Variants in VEZT observed in about 807,000 individuals in gnomAD.
The protein encoded by VEZT is vezatin, adherens junctions transmembrane protein, also known as vezatin.
Under a neutral mutation model 79.9 loss-of-function variants are expected in VEZT, and 39 were observed. That is an observed-to-expected ratio of 0.49 (90% CI 0.38 to 0.64). The LOEUF is 0.64. VEZT is among the 30% of genes least tolerant of loss of function. The pLI is 0.00. For synonymous variants in VEZT, 325 were observed against 327.6 expected, an observed-to-expected ratio of 0.99 and a Z score of 0.09; for missense variants, 837 against 893.1, an observed-to-expected ratio of 0.94 and a Z score of 0.80.
At chr12:95,225,038 C>A (rs2058217226) in intron 1 of VEZT, among the ~76,000 whole-genome samples, 1 of 152,190 alleles carries the variant, frequency 6.6e-6, no homozygotes, top group African/African-American at 2.4e-5. Flanking sequence ...ACTGGCCCAC[C>A]ATCCTGCTGG....
At chr12:95,268,059 A>G (rs1214348756) in intron 5 of VEZT, among the ~76,000 whole-genome samples, 1 of 152,156 alleles carries the variant, frequency 6.6e-6, no homozygotes, top group Non-Finnish European at 1.5e-5. Context: ...GTCTCAAAAA[A>G]AAAAGTATAA....
intron 1 of VEZT, chr12:95,231,411 AT>A (rs1271364933): frequency 6.6e-6 from 1 of 152,106 alleles, no homozygotes; most frequent in Non-Finnish European, 1.5e-5. Context: ...TTCAGTGGCC[AT>A]TTTGTACTGT....
In VEZT at chr12:95,301,574, T is replaced by G. The variant is rs1442686620; in HGVS notation, c.*901T>G. 2 of 152,214 alleles carry G rather than the reference T, an allele frequency of 1.3e-5. No homozygotes were observed. Among genetic ancestry groups the G allele is most frequent in the Non-Finnish European group, 2.9e-5 (2 of 68,040 alleles). The allele number at this position is 152,214 out of a possible 1,614,324, so 9.4% of individuals were successfully genotyped here. On this transcript the variant is annotated 3_prime_UTR_variant, in exon 12 of 12. Coordinates refer to ENST00000436874, the MANE Select transcript of VEZT (RefSeq NM_017599.4). ...GCATCCTTGTCTCCTTAGTATTTCATTTACAAACTACCTCTTAACAGAGAC... is the reference window on the plus strand; with the variant it reads ...GCATCCTTGTCTCCTTAGTATTTCAGTTACAAACTACCTCTTAACAGAGAC...
In VEZT at chr12:95,282,398, G is replaced by C. The variant is rs747232808; in HGVS notation, c.1082G>C (p.Gly361Ala). Reference protein sequence around the residue: ...LLLSTANSPPGPLLTPALLPH... With the variant: ...LLLSTANSPPAPLLTPALLPH... ...CTTTCTACAGCCAATTCACCTCCTGGGCCCTTACTTACTCCAGCACTTCTG... is the reference window on the plus strand; with the variant it reads ...CTTTCTACAGCCAATTCACCTCCTGCGCCCTTACTTACTCCAGCACTTCTG... The change falls in exon 8 of 12, where the codon GGG becomes GCG. Residue 361 changes from glycine to alanine, a missense_variant. By Grantham distance (60) the Gly-to-Ala change is moderately conservative (BLOSUM62 0). Transcript: ENST00000436874. The C allele has an allele frequency of 6.2e-7, 1 of 1,613,732 alleles. No homozygotes were observed. Among genetic ancestry groups the C allele is most frequent in the Middle Eastern group, 1.6e-4 (1 of 6,062 alleles).
chr12:95,272,959 G>C (rs540948721), intron 6 of VEZT, among the ~76,000 whole-genome samples: 1 of 152,082 alleles, frequency 6.6e-6, no homozygotes, highest in Non-Finnish European at 1.5e-5. Context: ...TTTTGCCCAG[G>C]TTGGTCTCGA....
chr12:95,251,857 T>C lies in VEZT; in HGVS notation c.37-83T>C, dbSNP rs530401273. ...AATTTGGACATACTGGTCACAATAG[T>C]GAAGTCTGGTATTAAGTTTGGCCCC... On this transcript the variant is annotated intron_variant, in intron 1 of 11. Transcript: ENST00000436874. 7.5e-6 allele frequency: 10 copies of C among 1,327,772 alleles called. No individual in the cohort carries two copies. The East Asian group carries it at 1.9e-4, about 25-fold the overall frequency. 82.2% of individuals were successfully genotyped at this position (1,327,772 alleles called of 1,614,324 possible).
intron 1 of VEZT, among the ~76,000 whole-genome samples, chr12:95,224,909 G>A (rs2058194344): frequency 6.6e-6 from 1 of 152,184 alleles, no homozygotes; most frequent in Non-Finnish European, 1.5e-5. Context: ...CTCATAAGGA[G>A]CTCACAACCT....
chr12:95,275,472 T>C (rs1234702585), intron 7 of VEZT, among the ~76,000 whole-genome samples: 1 of 151,824 alleles, frequency 6.6e-6, no homozygotes, highest in African/African-American at 2.4e-5. Context: ...CAGTGTCACA[T>C]GCCTATGGGA....
chr12:95,244,731 T>TA (rs568437604), intron 1 of VEZT, among the ~76,000 whole-genome samples: 2 of 151,684 alleles, frequency 1.3e-5, no homozygotes, highest in Non-Finnish European at 2.9e-5. Flanking sequence ...CTCACCTTTT[T>TA]AAAAGTCATT....
chr12:95,223,084 G>A (rs1343610763), intron 1 of VEZT, among the ~76,000 whole-genome samples: 1 of 152,226 alleles, frequency 6.6e-6, no homozygotes, highest in Non-Finnish European at 1.5e-5. Context: ...TCCTAGGTCA[G>A]CTATTTATTA....
chr12:95,218,186 G>GC (rs1311717183), intron 1 of VEZT: 6 of 281,568 alleles, frequency 2.1e-5, no homozygotes, highest in African/African-American at 6.6e-5. Context: ...ATGTGCGGCG[G>GC]GGGGGACTGC....
At chr12:95,236,239 A>G (rs952293019) in intron 1 of VEZT, among the ~76,000 whole-genome samples, 3 of 152,176 alleles carry the variant, frequency 2.0e-5, no homozygotes, top group African/African-American at 7.2e-5. Context: ...CGGCCAACAC[A>G]GCGAAACCCC....
chr12:95,291,521 G>A (rs970988651), intron 9 of VEZT, among the ~76,000 whole-genome samples: 39 of 152,192 alleles, frequency 2.6e-4, no homozygotes, highest in African/African-American at 8.9e-4. Flanking sequence ...GCCATATGGT[G>A]TCTGTTACAA....
chr12:95,234,974 G>A (rs1284294633), intron 1 of VEZT, among the ~76,000 whole-genome samples: 10 of 149,996 alleles, frequency 6.7e-5, no homozygotes, highest in Non-Finnish European at 1.2e-4. Context: ...AGGGTTGGGG[G>A]TAAGGTCACA....
chr12:95,289,273 C>T (rs1342591244), intron 9 of VEZT, among the ~76,000 whole-genome samples: 15 of 150,422 alleles, frequency 1.0e-4, no homozygotes, highest in Non-Finnish European at 2.2e-4. Context: ...AAAAATTAGC[C>T]GGGCATGGTG....
At position 95,287,836 on chromosome 12, in the gene VEZT, C is replaced by T. The variant is rs745336269; in HGVS notation, c.1501C>T (p.Arg501Ter). The T allele has an allele frequency of 1.3e-5, 20 of 1,599,020 alleles. No individual in the cohort carries two copies. Among genetic ancestry groups the T allele is most frequent in the East Asian group, 4.5e-5 (2 of 44,442 alleles). ...CATTTCTCAGGTCGACAAACTGCTA[C>T]GAAGAAATACAGATAAAAAAGGTAC... ...EAISQVDKLLRRNTDKKGKPE... is the reference protein window; with the variant it reads ...EAISQVDKLL Residue 501 changes from arginine to a stop codon, truncating the protein, a stop_gained, in exon 9 of 12, where the codon CGA becomes TGA. Coordinates refer to ENST00000436874, the MANE Select transcript of VEZT (RefSeq NM_017599.4). LOFTEE classifies it high-confidence loss of function.
rs186827976 is a variant in VEZT, at chr12:95,274,686, T to C, written c.849-56T>C. On this transcript the variant is annotated intron_variant, in intron 6 of 11. Coordinates refer to ENST00000436874, the MANE Select transcript of VEZT (RefSeq NM_017599.4). ...GGAATGTGATATAGGACAATTTCAC[T>C]GTATCTTTTATGCTTTCATGAAAAG... 279 of 1,544,436 alleles carry C rather than the reference T, an allele frequency of 1.8e-4. 3 individuals carry two copies. In the Admixed American group the frequency reaches 5.5e-3, roughly 30 times the overall value.
At chr12:95,267,036 C>T (rs182758390) in intron 5 of VEZT, among the ~76,000 whole-genome samples, 84 of 152,266 alleles carry the variant, frequency 5.5e-4, no homozygotes, top group South Asian at 2.1e-3. Context: ...ATTTTGAAAA[C>T]TCTTGACATG....
chr12:95,236,486 C>G (rs2060211601), intron 1 of VEZT, among the ~76,000 whole-genome samples: 2 of 151,942 alleles, frequency 1.3e-5, no homozygotes, highest in Non-Finnish European at 2.9e-5. Flanking sequence ...GTTTTTAAGA[C>G]TAGAGTACCA....
Sources: gnomAD v4.1 joint callset for allele counts (sites outside exome capture counted in the v4.1 genomes callset) on GRCh38, gnomAD v4.1.1 for gene constraint, MANE v1.5 for transcripts, NCBI Gene and HGNC (gene_info 2026-07-23, HGNC 2026-07-21) for gene names.